Variants in GABRG3 observed in about 807,000 individuals in gnomAD.
The protein encoded by GABRG3 is gamma-aminobutyric acid type A receptor subunit gamma3.
GABRG3 carries 25 observed loss-of-function variants against 48.8 expected under a neutral mutation model. The observed-to-expected ratio is 0.51, with a 90% confidence interval of 0.37 to 0.72. The LOEUF (loss-of-function observed/expected upper bound fraction) is 0.72, where lower values mean the gene tolerates loss of function less well. GABRG3 is among the 30% of genes least tolerant of loss of function. The pLI, the probability that GABRG3 is intolerant of heterozygous loss-of-function variation, is 0.00. For synonymous variants in GABRG3, 227 were observed against 217.6 expected, an observed-to-expected ratio of 1.04 and a Z score of -0.38; for missense variants, 394 against 577.9, an observed-to-expected ratio of 0.68 and a Z score of 3.26.
In GABRG3 at chr15:27,388,370, A is replaced by AGGG. The variant is rs1276520859; in HGVS notation, c.574+59482_574+59483insGGG. Reference sequence around the variant, plus strand: ...AGGGAGGGTAAGGAAGGAAGGAAGAAAGGAAGGAAGGAAGGAAAGGAGGGA... The same window carrying AGGG: ...AGGGAGGGTAAGGAAGGAAGGAAGAAGGGAGGAAGGAAGGAAGGAAAGGAGGGA... On this transcript the variant is annotated intron_variant, in intron 5 of 9. Transcript: ENST00000615808. Among the ~76,000 whole-genome samples the AGGG allele has an allele frequency of 1.7e-5, 2 of 116,658 alleles. 1 individual carries two copies. The highest frequency in any genetic ancestry group is 6.3e-4 in the East Asian group (2 of 3,190). 76.5% of individuals were successfully genotyped at this position (116,658 alleles called of 152,430 possible).
chr15:26,987,163 C>T (rs1277967954), intron 2 of GABRG3, among the ~76,000 whole-genome samples: 1 of 152,016 alleles, frequency 6.6e-6, no homozygotes, highest in African/African-American at 2.4e-5. Context: ...GAGGCTGAGG[C>T]GGGAGAATGG....
At chr15:27,289,363 T>G (rs1314916736) in intron 3 of GABRG3, among the ~76,000 whole-genome samples, 1 of 152,214 alleles carries the variant, frequency 6.6e-6, no homozygotes, top group African/African-American at 2.4e-5. Context: ...TTTTTATTCT[T>G]CAAACTGGAT....
chr15:27,437,567 T>C (rs187866568), intron 5 of GABRG3, among the ~76,000 whole-genome samples: 521 of 152,322 alleles, frequency 3.4e-3, no homozygotes, highest in Non-Finnish European at 5.1e-3. Context: ...GCACCCATTA[T>C]GTCCTGGCCC....
intron 2 of GABRG3, among the ~76,000 whole-genome samples, chr15:27,015,871 G>A (rs1895769979): frequency 6.6e-6 from 1 of 151,826 alleles, no homozygotes; most frequent in African/African-American, 2.4e-5. Context: ...ATTCCATTGT[G>A]GTCAAATAAA....
At chr15:27,130,250 A>G (rs1003028548) in intron 3 of GABRG3, among the ~76,000 whole-genome samples, 1 of 152,060 alleles carries the variant, frequency 6.6e-6, no homozygotes, top group African/African-American at 2.4e-5. Context: ...TAAAGTCCCA[A>G]CTTCATTCTT....
intron 3 of GABRG3, among the ~76,000 whole-genome samples, chr15:27,304,046 T>G (rs1312629014): frequency 6.6e-6 from 1 of 151,904 alleles, no homozygotes; most frequent in Non-Finnish European, 1.5e-5. Context: ...CATCTATTCA[T>G]GATAAAAACT....
chr15:27,306,690 ATGTTTAT>A (rs1892503960), intron 3 of GABRG3, among the ~76,000 whole-genome samples: 44 of 127,076 alleles, frequency 3.5e-4, no homozygotes, highest in African/African-American at 4.0e-4. Context: ...ATATATGAAC[ATGTTTAT>A]ATATAAACAT....
chr15:27,355,245 A>G (rs555732666), intron 5 of GABRG3, among the ~76,000 whole-genome samples: 1 of 152,350 alleles, frequency 6.6e-6, no homozygotes, highest in East Asian at 1.9e-4. Context: ...CCATGGAAAG[A>G]GGGAGAATTA....
At chr15:27,472,618 A>G (rs938861041) in intron 5 of GABRG3, among the ~76,000 whole-genome samples, 13 of 152,098 alleles carry the variant, frequency 8.5e-5, no homozygotes, top group African/African-American at 2.9e-4. Flanking sequence ...ATTGTTTTAT[A>G]TATTTATTTA....
chr15:27,191,597 A>G (rs1251350306), intron 3 of GABRG3, among the ~76,000 whole-genome samples: 1 of 151,826 alleles, frequency 6.6e-6, no homozygotes, highest in African/African-American at 2.4e-5. Flanking sequence ...CCATCCTTTT[A>G]TTTTGAGCCT....
At chr15:27,181,890 G>A (rs573621523) in intron 3 of GABRG3, among the ~76,000 whole-genome samples, 4 of 151,866 alleles carry the variant, frequency 2.6e-5, no homozygotes, top group Non-Finnish European at 5.9e-5. Context: ...TTCTGTACAC[G>A]AGAAATCATT....
intron 5 of GABRG3, among the ~76,000 whole-genome samples, chr15:27,388,032 A>T (rs1299963841): frequency 8.3e-5 from 5 of 60,294 alleles, no homozygotes; most frequent in East Asian, 5.4e-4. Flanking sequence ...GGGAGGGAGG[A>T]AAGGAAGGAA....
intron 3 of GABRG3, among the ~76,000 whole-genome samples, chr15:27,281,522 G>A (rs1891433543): frequency 6.6e-6 from 1 of 150,438 alleles, no homozygotes; most frequent in Non-Finnish European, 1.5e-5. Context: ...AGTTTTTAGG[G>A]GGTATATCTT....
intron 6 of GABRG3, among the ~76,000 whole-genome samples, chr15:27,511,474 T>C (rs748941960): frequency 6.6e-6 from 1 of 152,182 alleles, no homozygotes; most frequent in Non-Finnish European, 1.5e-5. Flanking sequence ...CTACTAACCA[T>C]GGAAAAGGAA....
chr15:27,324,839 A>G (rs1339368399), intron 3 of GABRG3, among the ~76,000 whole-genome samples: 1 of 152,162 alleles, frequency 6.6e-6, no homozygotes, highest in Admixed American at 6.5e-5. Flanking sequence ...TTCTCTCTGA[A>G]GTATAGGTAT....
chr15:27,249,383 G>T (rs1595612333), intron 3 of GABRG3, among the ~76,000 whole-genome samples: 1 of 152,174 alleles, frequency 6.6e-6, no homozygotes, highest in African/African-American at 2.4e-5. Flanking sequence ...CAGGTCGGGG[G>T]CCCCCACCTC....
rs541618750 is a variant in GABRG3, at chr15:27,230,389, C to T, written c.271-96420C>T. Reference sequence around the variant, plus strand: ...CTACCTGTCAGAATGTCACTATAGACGGCCGAGGAGGGGTATGGAAGACAT... The same window carrying T: ...CTACCTGTCAGAATGTCACTATAGATGGCCGAGGAGGGGTATGGAAGACAT... On this transcript the variant is annotated intron_variant, in intron 3 of 9. Transcript: ENST00000615808. Among the ~76,000 whole-genome samples the T allele has an allele frequency of 1.1e-4, 17 of 152,238 alleles. No individual in the cohort carries two copies. In the South Asian group the frequency reaches 1.9e-3, roughly 17 times the overall value.
At chr15:27,002,108 A>T (rs1895460136) in intron 2 of GABRG3, among the ~76,000 whole-genome samples, 1 of 152,254 alleles carries the variant, frequency 6.6e-6, no homozygotes. Context: ...ACCTTCTTCC[A>T]ACAACAAATA....
In GABRG3 at chr15:27,480,219, T is replaced by G. The variant is rs545803003; in HGVS notation, c.575-431T>G. On this transcript the variant is annotated intron_variant, in intron 5 of 9. Coordinates refer to ENST00000615808, the MANE Select transcript of GABRG3 (RefSeq NM_033223.5). ...AGTGATTACCTTAGTGAGCTCCTCT[T>G]TCCTGAGATCTGGATGGACTACATT... Among the ~76,000 whole-genome samples, 6 of 152,366 alleles carry G rather than the reference T, an allele frequency of 3.9e-5. No homozygotes were observed. The East Asian group carries it at 1.2e-3, about 29-fold the overall frequency.
Sources: gnomAD v4.1 joint callset for allele counts (sites outside exome capture counted in the v4.1 genomes callset) on GRCh38, gnomAD v4.1.1 for gene constraint, MANE v1.5 for transcripts, NCBI Gene and HGNC (gene_info 2026-07-23, HGNC 2026-07-21) for gene names.